Variants in SWT1 observed in about 807,000 individuals in gnomAD.
The protein encoded by SWT1 is transcriptional protein SWT1.
A neutral mutation model predicts 107.3 loss-of-function variants in SWT1; 33 were observed. That is an observed-to-expected ratio of 0.31 (90% CI 0.23 to 0.41). The LOEUF (loss-of-function observed/expected upper bound fraction) is 0.41. Ranked by LOEUF, SWT1 falls within the 10% of genes least tolerant of loss-of-function variation. The pLI is 1.00. For synonymous variants in SWT1, 345 were observed against 348.3 expected, an observed-to-expected ratio of 0.99 and a Z score of 0.11; for missense variants, 898 against 1,028.9, an observed-to-expected ratio of 0.87 and a Z score of 1.74.
intron 15 of SWT1, among the ~76,000 whole-genome samples, chr1:185,230,475 A>T (rs1204887015): frequency 1.3e-5 from 2 of 152,026 alleles, no homozygotes; most frequent in African/African-American, 4.8e-5. Context: ...TTTTCTTCAC[A>T]TGGAGTAGGG....
At chr1:185,213,915 A>T (rs1659017913) in intron 13 of SWT1, among the ~76,000 whole-genome samples, 1 of 152,180 alleles carries the variant, frequency 6.6e-6, no homozygotes, top group Non-Finnish European at 1.5e-5. Flanking sequence ...ATTTACAGGA[A>T]AAAAATTCTG....
At chr1:185,221,804 C>A in intron 14 of SWT1, 45 bp from the exon 15 acceptor site, 1 of 1,364,574 alleles carries the variant, frequency 7.3e-7, no homozygotes. Context: ...TTCTCCTCTG[C>A]AAATGAAGAA....
In SWT1 at chr1:185,263,158, A is replaced by G. The variant is rs1368839388; in HGVS notation, c.2442-8165A>G. The G allele has an allele frequency of 3.3e-5, 5 of 152,146 alleles. No individual in the cohort carries two copies. In the East Asian group the frequency reaches 9.6e-4, roughly 29 times the overall value. 9.4% of individuals were successfully genotyped at this position (152,146 alleles called of 1,614,324 possible). A position where few individuals can be genotyped will look rare whatever the true frequency, so the allele number is the denominator to read the frequency against. On this transcript the variant is annotated intron_variant, in intron 16 of 18. Coordinates refer to ENST00000367500, the MANE Select transcript of SWT1 (RefSeq NM_017673.7). Reference sequence around the variant, plus strand: ...TCATGCCAATGGCTTCATTTACTCTAAATTACCTCTTTAAAGCCCTTATCT... The same window carrying G: ...TCATGCCAATGGCTTCATTTACTCTGAATTACCTCTTTAAAGCCCTTATCT...
chr1:185,240,700 T>C (rs1277930363), intron 16 of SWT1, among the ~76,000 whole-genome samples: 1 of 152,130 alleles, frequency 6.6e-6, no homozygotes, highest in Non-Finnish European at 1.5e-5. Context: ...TTTAATCTTC[T>C]AAGTTTTAAT....
chr1:185,211,981 T>C (rs1321989250), intron 13 of SWT1, among the ~76,000 whole-genome samples: 1 of 151,712 alleles, frequency 6.6e-6, no homozygotes, highest in Non-Finnish European at 1.5e-5. Context: ...CTACATGTTC[T>C]CACTCATAGG....
At chr1:185,157,142 A>C, upstream of SWT1, 1 of 170,800 alleles carries the variant, frequency 5.9e-6, no homozygotes. Flanking sequence ...GTAAATGCAA[A>C]TCTAAGCGAG....
At chr1:185,243,988 T>C (rs1379354089) in intron 16 of SWT1, among the ~76,000 whole-genome samples, 2 of 152,188 alleles carry the variant, frequency 1.3e-5, no homozygotes, top group African/African-American at 4.8e-5. Flanking sequence ...TAGTATAGAA[T>C]GTATCGATCA....
At chr1:185,266,255 G>A (rs75895130) in intron 16 of SWT1, among the ~76,000 whole-genome samples, 2 of 152,144 alleles carry the variant, frequency 1.3e-5, no homozygotes, top group South Asian at 2.1e-4. Flanking sequence ...TAGTAGACAC[G>A]GGGTTTCACC....
chr1:185,257,538 G>C (rs1004801211), intron 16 of SWT1, among the ~76,000 whole-genome samples: 1 of 152,226 alleles, frequency 6.6e-6, no homozygotes, highest in Non-Finnish European at 1.5e-5. Flanking sequence ...GGAGTGACCC[G>C]ATTTTCCAGG....
chr1:185,230,706 G>A (rs1415202960), intron 15 of SWT1, among the ~76,000 whole-genome samples: 2 of 151,876 alleles, frequency 1.3e-5, no homozygotes, highest in Non-Finnish European at 2.9e-5. Context: ...GGTGGCATAA[G>A]CATCATTTTA....
At chr1:185,166,502 GA>G in intron 2 of SWT1, 69 bp from the exon 3 acceptor site, 1 of 965,708 alleles carries the variant, frequency 1.0e-6, no homozygotes, top group South Asian at 1.7e-5. Flanking sequence ...TACTAGTGAT[GA>G]AATAGTTCTG....
At chr1:185,285,752 T>C (rs1258660322) in intron 18 of SWT1, among the ~76,000 whole-genome samples, 1 of 152,220 alleles carries the variant, frequency 6.6e-6, no homozygotes, top group African/African-American at 2.4e-5. Context: ...CATGCATTCA[T>C]CCATCCATAT....
chr1:185,213,065 A>G (rs559285683), intron 13 of SWT1, among the ~76,000 whole-genome samples: 4 of 152,304 alleles, frequency 2.6e-5, no homozygotes, highest in African/African-American at 9.6e-5. Context: ...TCATTCATGT[A>G]GATTTCTTTT....
intron 17 of SWT1, among the ~76,000 whole-genome samples, chr1:185,274,258 A>G (rs1664084937): frequency 1.3e-5 from 2 of 148,646 alleles, no homozygotes; most frequent in African/African-American, 2.4e-5. Flanking sequence ...TTATATATAG[A>G]TGTCAGATAT....
intron 2 of SWT1, among the ~76,000 whole-genome samples, chr1:185,162,443 C>T (rs1654231049): frequency 6.6e-6 from 1 of 152,178 alleles, no homozygotes; most frequent in African/African-American, 2.4e-5. Context: ...ACCATATTCT[C>T]CTGATTTTCC....
chr1:185,277,948 A>C (rs1664355027), intron 18 of SWT1, among the ~76,000 whole-genome samples: 1 of 152,140 alleles, frequency 6.6e-6, no homozygotes, highest in African/African-American at 2.4e-5. Flanking sequence ...CATACATAAC[A>C]AAAAGGGCAA....
chr1:185,157,202 T>G lies in SWT1; in HGVS notation c.-122T>G. On this transcript the variant is annotated 5_prime_UTR_variant, in exon 1 of 19. Coordinates refer to ENST00000367500, the MANE Select transcript of SWT1 (RefSeq NM_017673.7). ...TGCGGATGCGGGCGCAGAACTACGTTTCCCAGCAGGCATACAGTTGGTGGG... is the reference window on the plus strand; with the variant it reads ...TGCGGATGCGGGCGCAGAACTACGTGTCCCAGCAGGCATACAGTTGGTGGG... 1 of 158,296 alleles carries G rather than the reference T, an allele frequency of 6.3e-6. No individual in the cohort carries two copies. The highest frequency in any genetic ancestry group is 1.4e-5 in the Non-Finnish European group (1 of 71,074). The allele number at this position is 158,296 out of a possible 1,614,324, so 9.8% of individuals were successfully genotyped here. A position where few individuals can be genotyped will look rare whatever the true frequency, so the allele number is the denominator to read the frequency against.
At chr1:185,240,433 A>G (rs1571592013) in intron 16 of SWT1, among the ~76,000 whole-genome samples, 1 of 152,018 alleles carries the variant, frequency 6.6e-6, no homozygotes, top group Non-Finnish European at 1.5e-5. Flanking sequence ...GGGAATTTCT[A>G]TTCCTTATAA....
intron 18 of SWT1, 138 bp from the exon 19 acceptor site, chr1:185,290,536 C>A (rs1665193431): frequency 2.2e-6 from 1 of 450,644 alleles, no homozygotes; most frequent in Non-Finnish European, 3.5e-6. Context: ...ACAATATATA[C>A]CTAGTTCAGA....
Sources: gnomAD v4.1 joint callset for allele counts (sites outside exome capture counted in the v4.1 genomes callset) on GRCh38, gnomAD v4.1.1 for gene constraint, MANE v1.5 for transcripts, NCBI Gene and HGNC (gene_info 2026-07-23, HGNC 2026-07-21) for gene names.